Variants in SPMIP11 observed in about 807,000 individuals in gnomAD.
SPMIP11 encodes sperm microtubule inner protein 11.
chr12:48,753,703 T>C, the SPMIP11 span, among the ~76,000 whole-genome samples: 14 of 148,212 alleles, frequency 9.4e-5, no homozygotes, highest in Non-Finnish European at 1.9e-4. Context: ...TTTTTTTTTT[T>C]TTTTTTTTTC....
the SPMIP11 span, among the ~76,000 whole-genome samples, chr12:48,744,024 C>A: frequency 6.7e-6 from 1 of 149,942 alleles, no homozygotes; most frequent in Non-Finnish European, 1.5e-5. Context: ...GAGGCAGTGC[C>A]GATCACCTGA....
chr12:48,740,456 A>G, the SPMIP11 span, among the ~76,000 whole-genome samples: 10 of 149,450 alleles, frequency 6.7e-5, no homozygotes, highest in African/African-American at 2.5e-4. Flanking sequence ...CCTACAGTGC[A>G]TTTCTCAGTT....
the SPMIP11 span, among the ~76,000 whole-genome samples, chr12:48,752,547 T>G: frequency 6.6e-6 from 1 of 152,162 alleles, no homozygotes; most frequent in Non-Finnish European, 1.5e-5. Context: ...CCTTCTACTC[T>G]GGAGTCTTGA....
the SPMIP11 span, among the ~76,000 whole-genome samples, chr12:48,733,094 A>G: frequency 1.2e-4 from 1 of 8,088 alleles, no homozygotes; most frequent in African/African-American, 4.1e-4. Context: ...TTTTTTTTTT[A>G]GACTGAGTCT....
At chr12:48,739,600 C>T in the SPMIP11 span, among the ~76,000 whole-genome samples, 1 of 152,110 alleles carries the variant, frequency 6.6e-6, no homozygotes, top group Non-Finnish European at 1.5e-5. Context: ...AGGAAACTTA[C>T]ACTCATGGTG....
chr12:48,734,552 A>G, the SPMIP11 span, among the ~76,000 whole-genome samples: 5 of 152,196 alleles, frequency 3.3e-5, no homozygotes, highest in Admixed American at 6.6e-5. Context: ...AATTCTAAGA[A>G]TTATCCTCAA....
chr12:48,755,770 G>T, the SPMIP11 span, among the ~76,000 whole-genome samples: 1 of 151,988 alleles, frequency 6.6e-6, no homozygotes, highest in African/African-American at 2.4e-5. Flanking sequence ...CTGAGGCCTC[G>T]GGAACAGACA....
the SPMIP11 span, among the ~76,000 whole-genome samples, chr12:48,763,974 G>A: frequency 2.7e-5 from 4 of 147,864 alleles, no homozygotes; most frequent in African/African-American, 5.0e-5. Flanking sequence ...CACCTCACTC[G>A]GCCAAAAGTA....
the SPMIP11 span, among the ~76,000 whole-genome samples, chr12:48,732,864 G>T: frequency 1.3e-5 from 2 of 150,536 alleles, no homozygotes; most frequent in African/African-American, 4.9e-5. Context: ...ATTGTGGCTG[G>T]GAGCGGTGGC....
At chr12:48,756,499 A>G in the SPMIP11 span, among the ~76,000 whole-genome samples, 1 of 152,178 alleles carries the variant, frequency 6.6e-6, no homozygotes, top group South Asian at 2.1e-4. Flanking sequence ...GAGATGAGGG[A>G]CAGAGATGAT....
the SPMIP11 span, chr12:48,759,331 T>C: frequency 1.4e-6 from 1 of 702,790 alleles, no homozygotes; most frequent in Non-Finnish European, 2.6e-6. Flanking sequence ...GTTGAAGACG[T>C]GTAAGTACCT....
chr12:48,740,932 C>T, the SPMIP11 span, among the ~76,000 whole-genome samples: 8 of 152,034 alleles, frequency 5.3e-5, no homozygotes, highest in South Asian at 2.1e-4. Context: ...GTTGCCCAGA[C>T]TGGCCATTAA....
chr12:48,753,616 G>C, the SPMIP11 span, among the ~76,000 whole-genome samples: 1 of 151,692 alleles, frequency 6.6e-6, no homozygotes, highest in African/African-American at 2.4e-5. Flanking sequence ...CTACCTGTTA[G>C]GAGACAGCTG....
the SPMIP11 span, among the ~76,000 whole-genome samples, chr12:48,739,009 T>G: frequency 6.6e-6 from 1 of 152,120 alleles, no homozygotes; most frequent in Non-Finnish European, 1.5e-5. Context: ...AAGGACCATT[T>G]TTGGTCCTCT....
At chr12:48,763,287 C>T in the SPMIP11 span, among the ~76,000 whole-genome samples, 2 of 152,114 alleles carry the variant, frequency 1.3e-5, no homozygotes, top group African/African-American at 2.4e-5. Flanking sequence ...ATCCTTCCCA[C>T]CTCAGCTTCC....
At chr12:48,748,314 C>T in the SPMIP11 span, among the ~76,000 whole-genome samples, 261 of 152,128 alleles carry the variant, frequency 1.7e-3, 1 homozygote, top group African/African-American at 5.3e-3. Flanking sequence ...AGATCATTTC[C>T]ATCAGTATAC....
chr12:48,762,407 G>A, the SPMIP11 span, among the ~76,000 whole-genome samples: 5 of 90,360 alleles, frequency 5.5e-5, no homozygotes, highest in African/African-American at 9.3e-5. Context: ...TTGCTCTGTC[G>A]CCCAGGCTGG....
the SPMIP11 span, among the ~76,000 whole-genome samples, chr12:48,742,277 C>CTTTTTTTTTTTTTTTTTTTTTTTT: frequency 2.3e-5 from 2 of 87,222 alleles, no homozygotes; most frequent in African/African-American, 9.2e-5. Context: ...CTTTTCTTTT[C>CTTTTTTTTTTTTTTTTTTTTTTTT]CTTTTTTTTT....
the SPMIP11 span, among the ~76,000 whole-genome samples, chr12:48,754,879 T>C: frequency 6.6e-6 from 1 of 151,722 alleles, no homozygotes; most frequent in East Asian, 1.9e-4. Flanking sequence ...CCCGAGTAGC[T>C]GGGACCACAG....
Sources: gnomAD v4.1 joint callset for allele counts (sites outside exome capture counted in the v4.1 genomes callset) on GRCh38, gnomAD v4.1.1 for gene constraint, MANE v1.5 for transcripts, NCBI Gene and HGNC (gene_info 2026-07-23, HGNC 2026-07-21) for gene names.